RAB10: variants seen among roughly 807,000 people sequenced by gnomAD.
RAB10 encodes the protein ras-related protein Rab-10.
In RAB10, 5 loss-of-function variants were observed where a neutral mutation model predicts 25.7. The observed-to-expected ratio is 0.19, with a 90% CI of 0.10 to 0.41. The LOEUF is 0.41. Among genes scored for constraint, RAB10 ranks in the 10% least tolerant of loss-of-function variants. The pLI is 1.00. For synonymous variants in RAB10, 89 were observed against 86.4 expected (o/e 1.03, Z -0.16); for missense variants, 103 against 245.8 (o/e 0.42, Z 3.89).
At chr2:26,126,217 T>A (rs896792263) in intron 3 of RAB10, among the ~76,000 whole-genome samples, 1 of 152,192 alleles carries the variant, frequency 6.6e-6, no homozygotes, top group African/African-American at 2.4e-5. Context: ...TTAGTCTGTG[T>A]ATCTGTCTTT....
chr2:26,073,124 GTAGT>G (rs1403602494), intron 1 of RAB10, among the ~76,000 whole-genome samples: 7 of 152,170 alleles, frequency 4.6e-5, no homozygotes, highest in Admixed American at 6.5e-5. Flanking sequence ...GTGTGTATTG[GTAGT>G]TAGTGTCCCA....
rs558568426 is a variant in RAB10, at chr2:26,130,160, AT to A, written c.519+2217del. 5.9e-5 allele frequency among the ~76,000 whole-genome samples: 9 copies of A among 152,178 alleles called. No homozygotes were observed. In the East Asian group the frequency reaches 1.5e-3, roughly 26 times the overall value. On this transcript the variant is annotated intron_variant, in intron 5 of 5. Transcript: ENST00000264710. The stretch of plus-strand genomic sequence containing the variant: ...TTTGAATTATAAAAACAATTTTAAG[AT>A]TTTTTTTGAAAGAATAGTCTTTCAC...
chr2:26,094,762 T>C (rs1353377458), intron 1 of RAB10, among the ~76,000 whole-genome samples: 1 of 152,158 alleles, frequency 6.6e-6, no homozygotes, highest in Non-Finnish European at 1.5e-5. Flanking sequence ...TTTCACCACA[T>C]TGGCCAGGCT....
At chr2:26,121,465 T>TG (rs1363962334) in intron 3 of RAB10, among the ~76,000 whole-genome samples, 1 of 152,294 alleles carries the variant, frequency 6.6e-6, no homozygotes, top group Non-Finnish European at 1.5e-5. Flanking sequence ...ATTACAGGTG[T>TG]GTGCCACCAC....
chr2:26,074,286 G>A lies in RAB10; in HGVS notation c.128-24376G>A, dbSNP rs564923570. 3.9e-5 allele frequency among the ~76,000 whole-genome samples: 6 copies of A among 152,278 alleles called. No homozygotes were observed. In the East Asian group the frequency reaches 1.2e-3, roughly 29 times the overall value. On this transcript the variant is annotated intron_variant, in intron 1 of 5. Coordinates refer to ENST00000264710, the MANE Select transcript of RAB10 (RefSeq NM_016131.5). The stretch of plus-strand genomic sequence containing the variant: ...AATGGTGGAATGAAGGCAAATTAGA[G>A]ATGACTTAAAATATTTTAAACAGCT...
chr2:26,047,055 C>T (rs114399162), intron 1 of RAB10, among the ~76,000 whole-genome samples: 2,298 of 152,142 alleles, frequency 0.015, 40 homozygotes, highest in African/African-American at 0.04. Context: ...TGGTGTAGTA[C>T]ACCAGCCTTA....
intron 4 of RAB10, 38 bp downstream of exon 4, chr2:26,127,271 T>C: frequency 7.2e-7 from 1 of 1,391,884 alleles, no homozygotes; most frequent in Non-Finnish European, 1.0e-6. Flanking sequence ...TGCTCTGTCT[T>C]TGTAAAGGTA....
At chr2:26,037,796 C>T (rs1196066086) in intron 1 of RAB10, among the ~76,000 whole-genome samples, 2 of 152,170 alleles carry the variant, frequency 1.3e-5, no homozygotes, top group Non-Finnish European at 2.9e-5. Context: ...TGTGACTCTT[C>T]TGCTGTGGAG....
chr2:26,088,836 A>G (rs1306039815), intron 1 of RAB10, among the ~76,000 whole-genome samples: 1 of 151,638 alleles, frequency 6.6e-6, no homozygotes, highest in Non-Finnish European at 1.5e-5. Flanking sequence ...TGTTGGCAAG[A>G]CTGGTCTCGA....
At chr2:26,062,706 AG>A (rs1327673431) in intron 1 of RAB10, among the ~76,000 whole-genome samples, 1 of 149,242 alleles carries the variant, frequency 6.7e-6, no homozygotes, top group Admixed American at 6.7e-5. Flanking sequence ...AAATAAATAA[AG>A]GAAAGGAAAA....
chr2:26,098,778 C>A, intron 2 of RAB10, 56 bp downstream of exon 2: 1 of 1,388,996 alleles, frequency 7.2e-7, no homozygotes, highest in Non-Finnish European at 9.9e-7. Flanking sequence ...TAAGGTTTCA[C>A]AGTGAAATTC....
chr2:26,123,362 C>T lies in RAB10; in HGVS notation c.328-3782C>T, dbSNP rs1004375353. On this transcript the variant is annotated intron_variant, in intron 3 of 5. Coordinates refer to ENST00000264710, the MANE Select transcript of RAB10 (RefSeq NM_016131.5). ...GAGGACCTTTAAGGTTAATAACACACGGTACTCTAACCTCAATAGAACATC... is the reference window on the plus strand; with the variant it reads ...GAGGACCTTTAAGGTTAATAACACATGGTACTCTAACCTCAATAGAACATC... Among the ~76,000 whole-genome samples, 45 of 152,230 alleles carry T rather than the reference C, an allele frequency of 3.0e-4. 1 individual carries two copies. The highest frequency in any genetic ancestry group is 4.1e-4 in the South Asian group (2 of 4,826).
chr2:26,135,308 A>G lies in RAB10; in HGVS notation c.*287A>G, dbSNP rs1368431473. Reference sequence around the variant, plus strand: ...TTGTATTATAGTCCAGTTCTTATCAACATTAAAACCTATAGCAATCATTTC... The same window carrying G: ...TTGTATTATAGTCCAGTTCTTATCAGCATTAAAACCTATAGCAATCATTTC... On this transcript the variant is annotated 3_prime_UTR_variant, in exon 6 of 6. Transcript: ENST00000264710. 4 of 289,822 alleles carry G rather than the reference A, an allele frequency of 1.4e-5. No homozygotes were observed. The highest frequency in any genetic ancestry group is 6.6e-5 in the African/African-American group (3 of 45,714). 18.0% of individuals were successfully genotyped at this position (289,822 alleles called of 1,614,324 possible).
chr2:26,045,301 A>G (rs1008860346), intron 1 of RAB10, among the ~76,000 whole-genome samples: 2 of 150,562 alleles, frequency 1.3e-5, no homozygotes, highest in African/African-American at 2.5e-5. Flanking sequence ...GTGCAGTGGC[A>G]CAATCTCGGC....
At chr2:26,104,616 C>T (rs1476011875) in intron 2 of RAB10, among the ~76,000 whole-genome samples, 1 of 151,860 alleles carries the variant, frequency 6.6e-6, no homozygotes, top group Non-Finnish European at 1.5e-5. Flanking sequence ...GTTGTTTGTG[C>T]TTTGGTGACA....
At chr2:26,112,062 A>G (rs1388659263) in intron 3 of RAB10, among the ~76,000 whole-genome samples, 1 of 152,178 alleles carries the variant, frequency 6.6e-6, no homozygotes, top group African/African-American at 2.4e-5. Context: ...GAACAGCCAA[A>G]TGGAAGAGAG....
At chr2:26,104,454 G>T (rs1346119280) in intron 2 of RAB10, among the ~76,000 whole-genome samples, 1 of 152,164 alleles carries the variant, frequency 6.6e-6, no homozygotes, top group Non-Finnish European at 1.5e-5. Flanking sequence ...TGAGTTGTAA[G>T]TTATTTGTAT....
chr2:26,089,979 C>T (rs540730272), intron 1 of RAB10, among the ~76,000 whole-genome samples: 22 of 152,224 alleles, frequency 1.4e-4, no homozygotes, highest in African/African-American at 5.3e-4. Flanking sequence ...GTAGAATTGT[C>T]AGATCCTTTT....
intron 3 of RAB10, among the ~76,000 whole-genome samples, chr2:26,125,899 CT>C (rs1667892772): frequency 1.3e-5 from 2 of 151,894 alleles, no homozygotes; most frequent in Admixed American, 6.6e-5. Context: ...ACTACTTTTT[CT>C]TTTATTGCCT....
Sources: gnomAD v4.1 joint callset for allele counts (sites outside exome capture counted in the v4.1 genomes callset) on GRCh38, gnomAD v4.1.1 for gene constraint, MANE v1.5 for transcripts, NCBI Gene and HGNC (gene_info 2026-07-23, HGNC 2026-07-21) for gene names.